CRLS1: variants seen among roughly 807,000 people sequenced by gnomAD.
The protein encoded by CRLS1 is cardiolipin synthase 1.
In CRLS1, 24 loss-of-function variants were observed where a neutral mutation model predicts 37.0. The ratio of observed to expected loss-of-function variants is 0.65; its 90% CI spans 0.47 to 0.91. CRLS1 has a LOEUF of 0.91. Ranked by LOEUF, CRLS1 falls within the 40% of genes least tolerant of loss-of-function variation. The probability of loss-of-function intolerance (pLI) is 0.00; values close to 1 mark genes in which losing one functional copy is unlikely to be tolerated. For missense variants in CRLS1, 373 were observed against 395.8 expected, an observed-to-expected ratio of 0.94 and a Z score of 0.49; for synonymous variants, 135 against 159.7, an observed-to-expected ratio of 0.85 and a Z score of 1.17.
At chr20:6,018,255 C>T (rs1978925951) in intron 3 of CRLS1, among the ~76,000 whole-genome samples, 1 of 148,538 alleles carries the variant, frequency 6.7e-6, no homozygotes, top group Non-Finnish European at 1.5e-5. Context: ...CTTATAACTC[C>T]ATGTTGATAT....
At chr20:6,006,856 A>G (rs1031232958) in intron 1 of CRLS1, 5 of 976,544 alleles carry the variant, frequency 5.1e-6, no homozygotes, top group Non-Finnish European at 6.1e-6. Flanking sequence ...TTGTCTTACT[A>G]AAAGCCTATT....
intron 5 of CRLS1, among the ~76,000 whole-genome samples, chr20:6,032,484 C>G (rs1313681958): frequency 6.6e-6 from 1 of 151,700 alleles, no homozygotes; most frequent in African/African-American, 2.4e-5. Flanking sequence ...CAGGAGTGAG[C>G]CACCAAGCTT....
At chr20:6,009,322 C>CAA (rs60724010) in intron 1 of CRLS1, among the ~76,000 whole-genome samples, 4 of 137,998 alleles carry the variant, frequency 2.9e-5, no homozygotes, top group African/African-American at 7.9e-5. Context: ...GACTCCATCT[C>CAA]AAAAAAAAAA....
chr20:6,034,674 A>G (rs1980421253), intron 6 of CRLS1, 119 bp downstream of exon 6: 3 of 694,942 alleles, frequency 4.3e-6, no homozygotes, highest in Non-Finnish European at 7.3e-6. Context: ...AGCTGTGGCT[A>G]TATTTGGTGA....
chr20:6,013,971 G>A (rs1978542623), intron 2 of CRLS1, among the ~76,000 whole-genome samples: 1 of 152,150 alleles, frequency 6.6e-6, no homozygotes, highest in African/African-American at 2.4e-5. Flanking sequence ...AAAAGTGAAA[G>A]GTTAAGTTCC....
At chr20:6,024,647 G>A (rs1488440460) in intron 3 of CRLS1, among the ~76,000 whole-genome samples, 1 of 152,168 alleles carries the variant, frequency 6.6e-6, no homozygotes, top group Non-Finnish European at 1.5e-5. Context: ...TAGTGAGGAG[G>A]GCATTTCGAA....
intron 2 of CRLS1, 145 bp downstream of exon 2, chr20:6,010,057 G>T (rs889178689): frequency 6.2e-5 from 42 of 677,672 alleles, no homozygotes; most frequent in Non-Finnish European, 8.2e-5. Context: ...TGAGGACTTT[G>T]TCTTTAGCAT....
intron 1 of CRLS1, chr20:6,007,129 T>C (rs1304077920): frequency 2.0e-5 from 16 of 799,322 alleles, no homozygotes; most frequent in Non-Finnish European, 2.7e-5. Flanking sequence ...GTTGATATGC[T>C]ACCCAGACAG....
At chr20:6,013,222 CT>C (rs10574006) in intron 2 of CRLS1, among the ~76,000 whole-genome samples, 14,407 of 128,800 alleles carry the variant, frequency 0.11, 1,053 homozygotes, top group African/African-American at 0.28. Flanking sequence ...TTTGTTTGGC[CT>C]TTTTTTTTTT....
intron 2 of CRLS1, 62 bp from the exon 3 acceptor site, chr20:6,015,299 A>G: frequency 9.0e-7 from 1 of 1,113,420 alleles, no homozygotes; most frequent in South Asian, 1.6e-5. Flanking sequence ...CTTAAGCTTC[A>G]GAATATCTGC....
At chr20:6,026,832 G>A (rs560122121) in intron 3 of CRLS1, among the ~76,000 whole-genome samples, 4 of 152,216 alleles carry the variant, frequency 2.6e-5, no homozygotes, top group South Asian at 2.1e-4. Flanking sequence ...CTCAGTGTTC[G>A]GTATGTAGAC....
Position 6,037,104 on chromosome 20 carries a change from A to G in CRLS1, c.852A>G (p.Ser284=), listed in dbSNP as rs764747231. 1.1e-5 allele frequency: 17 copies of G among 1,613,504 alleles called. No individual in the cohort carries two copies. The highest frequency in any genetic ancestry group is 1.4e-5 in the Non-Finnish European group (17 of 1,179,802). Residue 284 remains serine, a synonymous_variant, in exon 7 of 7, where the codon TCA becomes TCG. Coordinates refer to ENST00000378863, the MANE Select transcript of CRLS1 (RefSeq NM_019095.6). ...TTACAGCTTTCACCACAGCTGCATCAGCTTATAGTTACTATCATTATGGCC... is the reference window on the plus strand; with the variant it reads ...TTACAGCTTTCACCACAGCTGCATCGGCTTATAGTTACTATCATTATGGCC... The part of the protein sequence containing the change: ...WCFTAFTTAA[S]AYSYYHYGRK...
rs768464432 is a variant in CRLS1 at position 6,020,798 on chromosome 20, A to ATT, written c.574+5322_574+5323dup. On this transcript the variant is annotated intron_variant, in intron 3 of 6. Coordinates refer to ENST00000378863, the MANE Select transcript of CRLS1 (RefSeq NM_019095.6). ...CCACCACGCCCGGCTAATTTTTTGTATTTTTTTTTTTTTTTAGTAGAGGCG... is the reference window on the plus strand; with the variant it reads ...CCACCACGCCCGGCTAATTTTTTGTATTTTTTTTTTTTTTTTTAGTAGAGGCG... 7.1e-3 allele frequency among the ~76,000 whole-genome samples: 985 copies of ATT among 139,478 alleles called. 6 individuals carry two copies. Among genetic ancestry groups the ATT allele is most frequent in the South Asian group, 0.019 (84 of 4,406 alleles). The allele number at this position is 139,478 out of a possible 152,430, so 91.5% of individuals were successfully genotyped here. A position where few individuals can be genotyped will look rare whatever the true frequency, so the allele number is the denominator to read the frequency against.
rs1226297487 is a variant in CRLS1 at position 6,006,207 on chromosome 20, G to A, written c.-40G>A. On this transcript the variant is annotated 5_prime_UTR_variant, in exon 1 of 7. Transcript: ENST00000378863. ...GCTCGCCAGTGTCCCAGGCTGCTGA[G>A]CTCTCGCCGCCCGAGACCCCGCGGC... is the stretch of plus-strand genomic sequence containing the variant. 8.6e-7 allele frequency: 1 copy of A among 1,163,290 alleles called. No individual in the cohort carries two copies. The allele number at this position is 1,163,290 out of a possible 1,614,324, so 72.1% of individuals were successfully genotyped here. A position where few individuals can be genotyped will look rare whatever the true frequency, so the allele number is the denominator to read the frequency against.
At chr20:6,032,174 A>C (rs1172918488) in intron 5 of CRLS1, 94 bp downstream of exon 5, 1 of 972,534 alleles carries the variant, frequency 1.0e-6, no homozygotes, top group Non-Finnish European at 1.6e-6. Flanking sequence ...AAATGAGACA[A>C]ATTTAAATGC....
intron 3 of CRLS1, among the ~76,000 whole-genome samples, chr20:6,018,233 AAAAAT>A (rs1180888823): frequency 1.3e-5 from 2 of 151,752 alleles, no homozygotes; most frequent in African/African-American, 2.4e-5. Context: ...AAAAAAAAAA[AAAAAT>A]TATTTTCTTA....
chr20:6,035,611 A>G (rs981570103), intron 6 of CRLS1, among the ~76,000 whole-genome samples: 1 of 151,990 alleles, frequency 6.6e-6, no homozygotes, highest in East Asian at 1.9e-4. Flanking sequence ...AGAAATAGCA[A>G]TTAAAAAAAT....
At chr20:6,020,179 G>A (rs1979141444) in intron 3 of CRLS1, among the ~76,000 whole-genome samples, 1 of 152,120 alleles carries the variant, frequency 6.6e-6, no homozygotes, top group Admixed American at 6.5e-5. Context: ...ATAGTCTAGT[G>A]TGTGTTTTGA....
chr20:6,023,654 C>T (rs1429397292), intron 3 of CRLS1, among the ~76,000 whole-genome samples: 2 of 147,664 alleles, frequency 1.4e-5, no homozygotes, highest in African/African-American at 2.5e-5. Context: ...TTTTTTCTTC[C>T]GAAAGATTCC....
Sources: gnomAD v4.1 joint callset for allele counts (sites outside exome capture counted in the v4.1 genomes callset) on GRCh38, gnomAD v4.1.1 for gene constraint, MANE v1.5 for transcripts, NCBI Gene and HGNC (gene_info 2026-07-23, HGNC 2026-07-21) for gene names.